Variants in IFT80 observed in about 807,000 individuals in gnomAD.
The protein encoded by IFT80 is intraflagellar transport protein 80 homolog.
In IFT80, 79 loss-of-function variants were observed where a neutral mutation model predicts 107.9. The ratio of observed to expected loss-of-function variants is 0.73; its 90% CI spans 0.61 to 0.88. The LOEUF (loss-of-function observed/expected upper bound fraction) is 0.88, where lower values mean the gene tolerates loss of function less well. Ranked by LOEUF, IFT80 falls within the 40% of genes least tolerant of loss-of-function variation. The pLI, the probability that IFT80 is intolerant of heterozygous loss-of-function variation, is 0.00. For synonymous variants in IFT80, 299 were observed against 300.9 expected (o/e 0.99, Z 0.07); for missense variants, 797 against 914.2 (o/e 0.87, Z 1.65).
chr3:160,372,350 A>G (rs1711591014), intron 5 of IFT80, among the ~76,000 whole-genome samples: 1 of 152,094 alleles, frequency 6.6e-6, no homozygotes, highest in African/African-American at 2.4e-5. Context: ...TTAGCATCCA[A>G]CTCTCAGTAG....
intron 2 of IFT80, chr3:160,383,565 G>A: frequency 1.2e-6 from 1 of 803,730 alleles, no homozygotes; most frequent in Non-Finnish European, 1.5e-6. Context: ...TAAAATATTA[G>A]AAAAATTGGA....
At chr3:160,312,323 C>T (rs1176411569) in intron 9 of IFT80, among the ~76,000 whole-genome samples, 1 of 151,548 alleles carries the variant, frequency 6.6e-6, no homozygotes, top group East Asian at 2.0e-4. Context: ...GGTCTCCTTT[C>T]AGGATGGAGA....
chr3:160,399,195 C>T lies in IFT80; in HGVS notation c.-96G>A, dbSNP rs116906137. The T allele has an allele frequency of 6.6e-6, 1 of 152,216 alleles. No homozygotes were observed. The highest frequency in any genetic ancestry group is 1.5e-5 in the Non-Finnish European group (1 of 68,050). The allele number at this position is 152,216 out of a possible 1,614,324, so 9.4% of individuals were successfully genotyped here. On this transcript the variant is annotated 5_prime_UTR_variant, in exon 1 of 20. Transcript: ENST00000326448. ...GATTGCTCTCAAATACCTGGTACCTCCCCGTCACCATAGTGACTTCTAAGA... is the reference window on the plus strand; with the variant it reads ...GATTGCTCTCAAATACCTGGTACCTTCCCGTCACCATAGTGACTTCTAAGA...
chr3:160,299,296 C>G, intron 12 of IFT80: 1 of 1,042,746 alleles, frequency 9.6e-7, no homozygotes. Flanking sequence ...GATAGAAAAG[C>G]TCTATTTAGG....
rs781436346 is a variant in IFT80, at chr3:160,277,625, G to A, written c.1882C>T (p.Arg628Ter). The A allele has an allele frequency of 1.9e-5, 31 of 1,613,524 alleles. No homozygotes were observed. Among genetic ancestry groups the A allele is most frequent in the South Asian group, 9.9e-5 (9 of 91,052 alleles). The change falls in exon 17 of 20, where the codon CGA (arginine) becomes TGA (stop). Residue 628 changes from arginine (R) to a stop codon, truncating the protein, a stop_gained. Coordinates refer to ENST00000326448, the MANE Select transcript of IFT80 (RefSeq NM_020800.3). LOFTEE classifies it high-confidence loss of function. Reference sequence around the variant, plus strand: ...GCTATTTCTGCAGTAGTCATATCTCGATTAGCAACTGCCATAGCAGCTAGA... The same window carrying A: ...GCTATTTCTGCAGTAGTCATATCTCAATTAGCAACTGCCATAGCAGCTAGA... ...ACLAAMAVANRDMTTAEIAYA... is the reference protein window; with the variant it reads ...ACLAAMAVAN
chr3:160,277,670 C>A lies in IFT80; in HGVS notation c.1837G>T (p.Glu613Ter). 1 of 1,609,762 alleles carries A rather than the reference C, an allele frequency of 6.2e-7. No homozygotes were observed. The highest frequency in any genetic ancestry group is 1.1e-5 in the South Asian group (1 of 90,916). The part of the protein sequence containing the change: ...DAVRLCRFVK[E>*]QTMWACLAAM... Reference sequence around the variant, plus strand: ...GCTAGACAAGCCCACATGGTTTGCTCCTAAAGTAAAGTATGAGAACAATTA... The same window carrying A: ...GCTAGACAAGCCCACATGGTTTGCTACTAAAGTAAAGTATGAGAACAATTA... Residue 613 changes from glutamate to a stop codon, truncating the protein, a stop_gained and splice_region_variant, in exon 17 of 20, where the codon GAG (glutamate) becomes TAG (stop). Transcript: ENST00000326448. LOFTEE classifies it high-confidence loss of function.
intron 8 of IFT80, among the ~76,000 whole-genome samples, chr3:160,353,914 C>T (rs1258310963): frequency 2.6e-5 from 4 of 152,018 alleles, no homozygotes; most frequent in African/African-American, 7.3e-5. Flanking sequence ...GACTAGATGC[C>T]TAACGAGGTA....
intron 1 of IFT80, among the ~76,000 whole-genome samples, chr3:160,387,974 T>C (rs1713072264): frequency 6.6e-6 from 1 of 152,190 alleles, no homozygotes; most frequent in Non-Finnish European, 1.5e-5. Flanking sequence ...CCAGTATAGA[T>C]ATTGGTAATG....
intron 3 of IFT80, 60 bp downstream of exon 3, chr3:160,381,443 A>G: frequency 7.9e-7 from 1 of 1,264,116 alleles, no homozygotes; most frequent in South Asian, 1.2e-5. Context: ...CAAAGCATAA[A>G]TCATACTATT....
chr3:160,395,343 T>G (rs1177079007), intron 1 of IFT80, among the ~76,000 whole-genome samples: 2 of 152,208 alleles, frequency 1.3e-5, no homozygotes, highest in Non-Finnish European at 2.9e-5. Context: ...AAGTGTCCAG[T>G]AGAGTACCCA....
At chr3:160,323,362 T>C (rs1309596671) in intron 8 of IFT80, among the ~76,000 whole-genome samples, 1 of 151,316 alleles carries the variant, frequency 6.6e-6, no homozygotes, top group African/African-American at 2.4e-5. Context: ...TGCGGCATTA[T>C]TTCTGAGGGC....
chr3:160,373,983 A>G (rs1351271795), intron 5 of IFT80, among the ~76,000 whole-genome samples: 1 of 152,218 alleles, frequency 6.6e-6, no homozygotes, highest in Non-Finnish European at 1.5e-5. Flanking sequence ...GACATAGACT[A>G]AACAATTAAC....
chr3:160,364,498 C>G (rs1457899571), intron 6 of IFT80, among the ~76,000 whole-genome samples: 1 of 152,176 alleles, frequency 6.6e-6, no homozygotes, highest in Non-Finnish European at 1.5e-5. Flanking sequence ...CATCCCATTA[C>G]TGGGTATATA....
At chr3:160,344,204 T>C (rs1189387208) in intron 8 of IFT80, among the ~76,000 whole-genome samples, 1 of 152,196 alleles carries the variant, frequency 6.6e-6, no homozygotes, top group Admixed American at 6.5e-5. Flanking sequence ...CTTTTATCCT[T>C]TGCTTTTTTC....
intron 7 of IFT80, among the ~76,000 whole-genome samples, chr3:160,356,773 G>C (rs1721122805): frequency 6.6e-6 from 1 of 152,016 alleles, no homozygotes; most frequent in Non-Finnish European, 1.5e-5. Context: ...CTACTGCCTT[G>C]GCCTCTCAAA....
rs752761991 is a variant in IFT80 at position 160,381,663 on chromosome 3, A to G, written c.99T>C (p.Asp33=). ...AGTTCCACTTCACTATCTGGTGATCATCACTACATGAATACAGCTCTTCAG... is the reference window on the plus strand; with the variant it reads ...AGTTCCACTTCACTATCTGGTGATCGTCACTACATGAATACAGCTCTTCAG... ...TTAEELYSCS[D]DHQIVKWNLL... is the part of the protein sequence containing the mutation. The change falls in exon 3 of 20, where the codon GAT becomes GAC. Residue 33 remains aspartate, a synonymous_variant. Coordinates refer to ENST00000326448, the MANE Select transcript of IFT80 (RefSeq NM_020800.3). 1.2e-6 allele frequency: 2 copies of G among 1,612,390 alleles called. No individual in the cohort carries two copies. Among genetic ancestry groups the G allele is most frequent in the Non-Finnish European group, 1.7e-6 (2 of 1,179,940 alleles).
chr3:160,340,503 T>G (rs1036014504), intron 8 of IFT80, among the ~76,000 whole-genome samples: 2 of 152,210 alleles, frequency 1.3e-5, no homozygotes, highest in African/African-American at 4.8e-5. Context: ...ACCATTTCCT[T>G]GATCATTCAG....
At chr3:160,304,387 T>C (rs1369190088) in intron 10 of IFT80, among the ~76,000 whole-genome samples, 1 of 152,056 alleles carries the variant, frequency 6.6e-6, no homozygotes, top group African/African-American at 2.4e-5. Context: ...GTTAGACATA[T>C]CTGGATTAGA....
Position 160,319,796 on chromosome 3 carries a change from AT to A in IFT80, c.920del (p.Asn307IlefsTer4), listed in dbSNP as rs770374698. 2 of 1,612,922 alleles carry A rather than the reference AT, an allele frequency of 1.2e-6. No homozygotes were observed. The highest frequency in any genetic ancestry group is 1.7e-6 in the Non-Finnish European group (2 of 1,179,242). On this transcript the variant is annotated frameshift_variant, in exon 9 of 20. Coordinates refer to ENST00000326448, the MANE Select transcript of IFT80 (RefSeq NM_020800.3). LOFTEE classifies it high-confidence loss of function. ...TTCTTTTCGTTAATGTTACTTGAAAATTTTTCCACTCCCAATGTTGTTCCAC... is the reference window on the plus strand; with the variant it reads ...TTCTTTTCGTTAATGTTACTTGAAAATTTTCCACTCCCAATGTTGTTCCAC... Reference protein sequence around the residue: ...HVVEQHWEWKNFQVTLTKRRA... With the variant: ...HVVEQHWEWKXFQVTLTKRRA...
Sources: allele counts gnomAD v4.1 joint callset (sites outside exome capture counted in the v4.1 genomes callset), GRCh38; gene constraint gnomAD v4.1.1; transcripts MANE v1.5; gene names NCBI Gene and HGNC (gene_info 2026-07-23, HGNC 2026-07-21).